CSMD1: variants seen among roughly 807,000 people sequenced by gnomAD.
CSMD1 encodes CUB and sushi domain-containing protein 1.
A neutral mutation model predicts 417.5 loss-of-function variants in CSMD1; 213 were observed. The ratio of observed to expected loss-of-function variants is 0.51; its 90% CI spans 0.46 to 0.57. The LOEUF (loss-of-function observed/expected upper bound fraction) is 0.57. Ranked by LOEUF, CSMD1 falls within the 20% of genes least tolerant of loss-of-function variation. The pLI is 0.00. For synonymous variants in CSMD1, 2,862 were observed against 1,736.8 expected, an observed-to-expected ratio of 1.65 and a Z score of -16.11; for missense variants, 6,923 against 4,529.7, an observed-to-expected ratio of 1.53 and a Z score of -15.17.
chr8:3,196,845 G>A (rs943358250), intron 33 of CSMD1, among the ~76,000 whole-genome samples: 16 of 152,090 alleles, frequency 1.1e-4, no homozygotes, highest in African/African-American at 3.6e-4. Flanking sequence ...GACCATGCCC[G>A]TTCATTCAAC....
At chr8:4,769,132 C>G (rs560280027) in intron 1 of CSMD1, among the ~76,000 whole-genome samples, 118 of 152,256 alleles carry the variant, frequency 7.8e-4, no homozygotes, top group African/African-American at 2.6e-3. Context: ...GCTCTATGAC[C>G]TTGACCATTT....
intron 51 of CSMD1, among the ~76,000 whole-genome samples, chr8:3,024,101 T>C (rs1809664384): frequency 6.6e-6 from 1 of 151,998 alleles, no homozygotes; most frequent in Admixed American, 6.6e-5. Flanking sequence ...TATTTAATAG[T>C]AAATTATATT....
chr8:4,114,252 G>C (rs369141718), intron 3 of CSMD1, among the ~76,000 whole-genome samples: 3 of 152,120 alleles, frequency 2.0e-5, no homozygotes, highest in Non-Finnish European at 4.4e-5. Flanking sequence ...AAAATCCTAG[G>C]GCTCTTAAGA....
chr8:4,405,141 G>C (rs962872842), intron 3 of CSMD1, among the ~76,000 whole-genome samples: 4 of 152,168 alleles, frequency 2.6e-5, no homozygotes, highest in South Asian at 4.1e-4. Context: ...TTTCACATAG[G>C]AGAAGTACTC....
chr8:3,114,152 G>A (rs1376735143), intron 42 of CSMD1, among the ~76,000 whole-genome samples: 4 of 152,172 alleles, frequency 2.6e-5, no homozygotes, highest in African/African-American at 7.2e-5. Flanking sequence ...GCTGAAGTAG[G>A]AGGATTGCTT....
At chr8:4,695,351 G>C (rs1807058735) in intron 1 of CSMD1, among the ~76,000 whole-genome samples, 1 of 152,144 alleles carries the variant, frequency 6.6e-6, no homozygotes, top group African/African-American at 2.4e-5. Flanking sequence ...ATGCTTGAGA[G>C]TGAGGACTGG....
At chr8:3,935,009 C>A (rs1201162417) in intron 5 of CSMD1, among the ~76,000 whole-genome samples, 1 of 152,152 alleles carries the variant, frequency 6.6e-6, no homozygotes, top group African/African-American at 2.4e-5. Context: ...TAATCAAGTG[C>A]ATGGAGTATC....
intron 5 of CSMD1, among the ~76,000 whole-genome samples, chr8:3,917,670 T>G (rs1808921378): frequency 6.6e-6 from 1 of 152,144 alleles, no homozygotes; most frequent in South Asian, 2.1e-4. Context: ...CAAAAAGTTG[T>G]ACACATGTAA....
chr8:3,356,717 C>T (rs1232856029), intron 21 of CSMD1, among the ~76,000 whole-genome samples: 1 of 152,118 alleles, frequency 6.6e-6, no homozygotes, highest in African/African-American at 2.4e-5. Flanking sequence ...TGGCAAAAAC[C>T]GCAATTACTT....
intron 25 of CSMD1, among the ~76,000 whole-genome samples, chr8:3,306,844 CAGAGCTTACTTTAAAAATAT>C (rs1563252529): frequency 3.5e-5 from 1 of 28,624 alleles, no homozygotes; most frequent in Non-Finnish European, 8.0e-5. Context: ...AAAAATATTA[CAGAGCTTACTTTAAAAATAT>C]TACTTTTTGT....
intron 3 of CSMD1, among the ~76,000 whole-genome samples, chr8:4,223,935 G>A (rs1204308625): frequency 2.0e-5 from 3 of 152,048 alleles, no homozygotes; most frequent in Non-Finnish European, 2.9e-5. Context: ...AACATCCAGG[G>A]GTCCTTTGTG....
chr8:4,530,855 T>C (rs1305558192), intron 2 of CSMD1, among the ~76,000 whole-genome samples: 1 of 151,920 alleles, frequency 6.6e-6, no homozygotes, highest in Non-Finnish European at 1.5e-5. Context: ...CCTTATTTCC[T>C]TTTCACAAAG....
chr8:3,621,987 G>A (rs887874083), intron 7 of CSMD1, among the ~76,000 whole-genome samples: 70 of 120,734 alleles, frequency 5.8e-4, no homozygotes, highest in African/African-American at 1.4e-3. Context: ...TTGTGTGTGT[G>A]TGTATGTGTG....
chr8:4,169,121 T>C (rs887323192), intron 3 of CSMD1, among the ~76,000 whole-genome samples: 12 of 152,202 alleles, frequency 7.9e-5, no homozygotes, highest in African/African-American at 2.9e-4. Context: ...CTCATCCCTG[T>C]AAGCTCACTG....
intron 7 of CSMD1, chr8:3,704,781 T>G (rs968853816): frequency 4.8e-4 from 73 of 152,250 alleles, no homozygotes; most frequent in African/African-American, 1.7e-3. Context: ...TTCCTGAGGC[T>G]GTCAGGGAAA....
chr8:3,603,878 C>G (rs1801480006), intron 8 of CSMD1, among the ~76,000 whole-genome samples: 1 of 152,130 alleles, frequency 6.6e-6, no homozygotes, highest in South Asian at 2.1e-4. Flanking sequence ...AATGATCTAG[C>G]AAATGGCCAA....
intron 3 of CSMD1, among the ~76,000 whole-genome samples, chr8:4,374,797 G>C (rs527831465): frequency 5.3e-5 from 8 of 152,228 alleles, no homozygotes; most frequent in African/African-American, 1.7e-4. Flanking sequence ...GATGGCCCAG[G>C]AGAGGATGGC....
In CSMD1 at chr8:4,799,252, A is replaced by G. The variant is rs551209373; in HGVS notation, c.86-161694T>C. 7.5e-4 allele frequency among the ~76,000 whole-genome samples: 114 copies of G among 152,332 alleles called. 3 individuals are homozygous for G. The South Asian group carries it at 0.023, about 31-fold the overall frequency. ...AAACGGTAAGGGATAACACCGATGT[A>G]GCTCACCAGTTCATAAAAGGAATGA... On this transcript the variant is annotated intron_variant, in intron 1 of 69. Transcript: ENST00000635120.
chr8:4,681,330 TAA>T (rs747114869), intron 1 of CSMD1, among the ~76,000 whole-genome samples: 5 of 152,164 alleles, frequency 3.3e-5, no homozygotes, highest in Non-Finnish European at 7.3e-5. Flanking sequence ...ATATCTGATA[TAA>T]GTGGTGTTGA....
Sources: gnomAD v4.1 joint callset for allele counts (sites outside exome capture counted in the v4.1 genomes callset) on GRCh38, gnomAD v4.1.1 for gene constraint, MANE v1.5 for transcripts, NCBI Gene and HGNC (gene_info 2026-07-23, HGNC 2026-07-21) for gene names.